CPQ: variants seen among roughly 807,000 people sequenced by gnomAD.
CPQ encodes Ser-Met dipeptidase.
In CPQ, 37 loss-of-function variants were observed where a neutral mutation model predicts 45.7. The ratio of observed to expected loss-of-function variants is 0.81; its 90% confidence interval spans 0.62 to 1.07. The LOEUF (loss-of-function observed/expected upper bound fraction) is 1.07, where lower values mean the gene tolerates loss of function less well. Among genes scored for constraint, CPQ ranks in the 50% least tolerant of loss-of-function variants. The pLI, the probability that CPQ is intolerant of heterozygous loss-of-function variation, is 0.00. For missense variants in CPQ, 537 were observed against 572.9 expected, an observed-to-expected ratio of 0.94 and a Z score of 0.64; for synonymous variants, 186 against 205.8, an observed-to-expected ratio of 0.90 and a Z score of 0.82.
At chr8:96,711,718 G>T (rs1809610245) in intron 1 of CPQ, among the ~76,000 whole-genome samples, 1 of 152,020 alleles carries the variant, frequency 6.6e-6, no homozygotes, top group African/African-American at 2.4e-5. Flanking sequence ...CTTCCCACTG[G>T]GTCCCTCCCA....
chr8:97,064,228 T>C (rs942473805), intron 6 of CPQ, among the ~76,000 whole-genome samples: 13 of 152,142 alleles, frequency 8.5e-5, no homozygotes, highest in Admixed American at 6.6e-4. Context: ...ATTTGCAAGA[T>C]ATATTGTGAA....
intron 7 of CPQ, among the ~76,000 whole-genome samples, chr8:97,123,096 AAAAT>A (rs1455670418): frequency 1.2e-4 from 15 of 127,732 alleles, no homozygotes; most frequent in African/African-American, 3.9e-4. Flanking sequence ...AAAATAAAAT[AAAAT>A]AAATAAAATA....
At chr8:96,772,775 G>A (rs1267872644) in intron 1 of CPQ, among the ~76,000 whole-genome samples, 2 of 152,204 alleles carry the variant, frequency 1.3e-5, no homozygotes, top group Non-Finnish European at 2.9e-5. Context: ...TTATTGACCT[G>A]TGTGAGTTCA....
chr8:97,114,899 T>C (rs1026993386), intron 7 of CPQ, among the ~76,000 whole-genome samples: 8 of 152,202 alleles, frequency 5.3e-5, no homozygotes, highest in African/African-American at 1.7e-4. Flanking sequence ...ATCCATCTTG[T>C]TTCCCTGTAT....
chr8:96,705,834 A>C (rs1201380737), intron 1 of CPQ, among the ~76,000 whole-genome samples: 1 of 152,152 alleles, frequency 6.6e-6, no homozygotes, highest in Non-Finnish European at 1.5e-5. Context: ...CATTTTGTAC[A>C]GTTATCACCT....
chr8:96,742,421 C>T (rs1356681836), intron 1 of CPQ, among the ~76,000 whole-genome samples: 1 of 152,146 alleles, frequency 6.6e-6, no homozygotes, highest in Non-Finnish European at 1.5e-5. Flanking sequence ...GGTCTTGACT[C>T]TTTATCCAAT....
At chr8:96,811,511 G>A (rs530456238) in intron 2 of CPQ, among the ~76,000 whole-genome samples, 6 of 152,098 alleles carry the variant, frequency 3.9e-5, no homozygotes, top group Non-Finnish European at 5.9e-5. Context: ...AACAAAACAG[G>A]ACTAAAATAA....
chr8:96,922,318 A>G (rs891091769), intron 4 of CPQ, among the ~76,000 whole-genome samples: 18 of 152,228 alleles, frequency 1.2e-4, no homozygotes, highest in African/African-American at 3.9e-4. Context: ...ACAAGATGAC[A>G]TAAGTAGAGG....
intron 4 of CPQ, among the ~76,000 whole-genome samples, chr8:96,891,398 G>T (rs905662375): frequency 6.6e-6 from 1 of 152,148 alleles, no homozygotes; most frequent in Non-Finnish European, 1.5e-5. Flanking sequence ...TGTTGGTCCC[G>T]GCTGCTGGCA....
At chr8:96,688,357 G>A (rs1270856595) in intron 1 of CPQ, among the ~76,000 whole-genome samples, 1 of 152,058 alleles carries the variant, frequency 6.6e-6, no homozygotes, top group Admixed American at 6.5e-5. Flanking sequence ...ATTCTTGTGT[G>A]CAGCAGATAT....
intron 4 of CPQ, among the ~76,000 whole-genome samples, chr8:96,899,641 A>G (rs1812489985): frequency 6.7e-6 from 1 of 150,186 alleles, no homozygotes; most frequent in South Asian, 2.1e-4. Context: ...CTTTTAAACA[A>G]CCAGATCTCA....
At chr8:96,814,612 T>C (rs1014283459) in intron 2 of CPQ, among the ~76,000 whole-genome samples, 1 of 152,184 alleles carries the variant, frequency 6.6e-6, no homozygotes, top group Non-Finnish European at 1.5e-5. Context: ...AATAAATGGT[T>C]TTGAGCCATA....
intron 1 of CPQ, among the ~76,000 whole-genome samples, chr8:96,677,907 C>A (rs534780331): frequency 5.9e-5 from 9 of 152,216 alleles, no homozygotes; most frequent in African/African-American, 2.2e-4. Flanking sequence ...GTTTTCTCAG[C>A]ACCATTTGTT....
At chr8:97,141,601 CA>C (rs1330471281) in intron 7 of CPQ, among the ~76,000 whole-genome samples, 2 of 152,118 alleles carry the variant, frequency 1.3e-5, no homozygotes, top group Admixed American at 6.6e-5. Context: ...AAAAGGAAAA[CA>C]TTTTGGAATT....
intron 1 of CPQ, among the ~76,000 whole-genome samples, chr8:96,759,295 T>G (rs1810368059): frequency 6.6e-6 from 1 of 152,076 alleles, no homozygotes; most frequent in Non-Finnish European, 1.5e-5. Flanking sequence ...AAACCTCCAG[T>G]AAAGAAGAGA....
chr8:96,937,783 C>T (rs1436004947), intron 4 of CPQ, among the ~76,000 whole-genome samples: 1 of 152,160 alleles, frequency 6.6e-6, no homozygotes, highest in Non-Finnish European at 1.5e-5. Context: ...TATTACTAAA[C>T]CTTACAGAAG....
intron 4 of CPQ, among the ~76,000 whole-genome samples, chr8:96,918,225 G>T (rs1812757804): frequency 6.6e-6 from 1 of 152,010 alleles, no homozygotes. Context: ...ACATCAATTT[G>T]TCTAAAATCT....
intron 1 of CPQ, among the ~76,000 whole-genome samples, chr8:96,665,136 A>C (rs1489343277): frequency 2.0e-5 from 3 of 152,176 alleles, no homozygotes; most frequent in Non-Finnish European, 4.4e-5. Context: ...AGTATCCTGG[A>C]AAATATCTTG....
chr8:96,943,852 T>A (rs1813153926), intron 4 of CPQ, among the ~76,000 whole-genome samples: 1 of 152,196 alleles, frequency 6.6e-6, no homozygotes. Context: ...ACTCAGGGTT[T>A]GACAAAGTAA....
Sources: allele counts gnomAD v4.1 joint callset (sites outside exome capture counted in the v4.1 genomes callset), GRCh38; gene constraint gnomAD v4.1.1; transcripts MANE v1.5; gene names NCBI Gene and HGNC (gene_info 2026-07-23, HGNC 2026-07-21).